Variants in PRKD1 observed in about 807,000 individuals in gnomAD.
PRKD1 encodes the protein serine/threonine-protein kinase D1.
In PRKD1, 63 loss-of-function variants were observed where a neutral mutation model predicts 95.9. The ratio of observed to expected loss-of-function variants is 0.66; its 90% CI spans 0.54 to 0.81. The LOEUF (loss-of-function observed/expected upper bound fraction) is 0.81. Ranked by LOEUF, PRKD1 falls within the 30% of genes least tolerant of loss-of-function variation. The probability of loss-of-function intolerance (pLI) is 0.00; values close to 1 mark genes in which losing one functional copy is unlikely to be tolerated. For missense variants in PRKD1, 1,048 were observed against 1,165.3 expected (o/e 0.90, Z 1.47); for synonymous variants, 425 against 423.1 (o/e 1.00, Z -0.05).
chr14:29,719,290 C>A (rs1293512556), intron 2 of PRKD1, among the ~76,000 whole-genome samples: 3 of 152,004 alleles, frequency 2.0e-5, no homozygotes, highest in Non-Finnish European at 4.4e-5. Context: ...TAGAGAAGAA[C>A]CTTCAGGGTT....
chr14:29,910,356 C>T (rs964543282), intron 1 of PRKD1, among the ~76,000 whole-genome samples: 14 of 152,094 alleles, frequency 9.2e-5, no homozygotes, highest in African/African-American at 3.1e-4. Flanking sequence ...AAACTCTGAA[C>T]ACGTCCGAAC....
At position 29,877,115 on chromosome 14, in the gene PRKD1, G is replaced by A. The variant is rs56346360; in HGVS notation, c.264+50134C>T. The stretch of plus-strand genomic sequence containing the variant: ...TGCAGTGAGCCAAAATCGTGCCACC[G>A]CACTCCAGCCTGGGCCAGAGAGCAA... On this transcript the variant is annotated intron_variant, in intron 1 of 17. Transcript: ENST00000331968. 2.2e-3 allele frequency among the ~76,000 whole-genome samples: 334 copies of A among 152,236 alleles called. 1 individual carries two copies. Among genetic ancestry groups the A allele is most frequent in the Non-Finnish European group, 3.9e-3 (266 of 68,016 alleles).
chr14:29,923,195 A>G (rs1027708114), intron 1 of PRKD1, among the ~76,000 whole-genome samples: 1 of 149,270 alleles, frequency 6.7e-6, no homozygotes, highest in African/African-American at 2.5e-5. Context: ...GTGCTACTGC[A>G]CTCCAGCCTG....
At chr14:29,759,369 T>C (rs931824048) in intron 1 of PRKD1, among the ~76,000 whole-genome samples, 18 of 152,230 alleles carry the variant, frequency 1.2e-4, no homozygotes, top group Admixed American at 8.5e-4. Flanking sequence ...TAGATTCTAA[T>C]TAATTTAAAA....
Position 29,823,911 on chromosome 14 carries a change from G to T in PRKD1, c.265-98237C>A, listed in dbSNP as rs571835730. Reference sequence around the variant, plus strand: ...CAAGATTGTGTGTATTTCCCATTGCGTATTTTGGCTCTCCAAATGTTCAAT... The same window carrying T: ...CAAGATTGTGTGTATTTCCCATTGCTTATTTTGGCTCTCCAAATGTTCAAT... On this transcript the variant is annotated intron_variant, in intron 1 of 17. Coordinates refer to ENST00000331968, the MANE Select transcript of PRKD1 (RefSeq NM_002742.3). 9.5e-4 allele frequency among the ~76,000 whole-genome samples: 145 copies of T among 152,240 alleles called. No homozygotes were observed. In the South Asian group the frequency reaches 9.7e-3, roughly 10 times the overall value.
Position 29,889,366 on chromosome 14 carries a change from T to A in PRKD1, c.264+37883A>T, listed in dbSNP as rs1294984482. Among the ~76,000 whole-genome samples the A allele has an allele frequency of 2.0e-5, 3 of 152,084 alleles. No homozygotes were observed. In the East Asian group the frequency reaches 5.8e-4, roughly 29 times the overall value. On this transcript the variant is annotated intron_variant, in intron 1 of 17. Coordinates refer to ENST00000331968, the MANE Select transcript of PRKD1 (RefSeq NM_002742.3). ...CAACTGAGGTACCTGGTTCATCTCA[T>A]TGGGACTGGTTGGACAGTAGGTGCA...
At chr14:29,678,742 TAACTA>T (rs1005171582) in intron 2 of PRKD1, among the ~76,000 whole-genome samples, 1 of 152,218 alleles carries the variant, frequency 6.6e-6, no homozygotes, top group Non-Finnish European at 1.5e-5. Context: ...TTTCAATACT[TAACTA>T]AATTTAATTG....
At chr14:29,637,422 A>G (rs1409175995) in intron 6 of PRKD1, among the ~76,000 whole-genome samples, 2 of 152,248 alleles carry the variant, frequency 1.3e-5, no homozygotes, top group Non-Finnish European at 2.9e-5. Flanking sequence ...AATACAGATT[A>G]ATGAGAGACT....
At chr14:29,594,760 A>C (rs1471685359) in intron 16 of PRKD1, among the ~76,000 whole-genome samples, 1 of 152,172 alleles carries the variant, frequency 6.6e-6, no homozygotes, top group Non-Finnish European at 1.5e-5. Flanking sequence ...AGATACGATT[A>C]ATAGTTGTGC....
intron 1 of PRKD1, among the ~76,000 whole-genome samples, chr14:29,920,072 G>A (rs752132274): frequency 0.013 from 1,574 of 125,370 alleles, 15 homozygotes; most frequent in South Asian, 0.025. Context: ...AAGGAAAGAA[G>A]GAAGGAAGGA....
At chr14:29,921,810 C>T (rs1213577943) in intron 1 of PRKD1, among the ~76,000 whole-genome samples, 2 of 152,160 alleles carry the variant, frequency 1.3e-5, no homozygotes, top group African/African-American at 4.8e-5. Context: ...ACCACCACCA[C>T]CATACACAGT....
At chr14:29,847,485 T>C (rs1053199888) in intron 1 of PRKD1, among the ~76,000 whole-genome samples, 2 of 152,184 alleles carry the variant, frequency 1.3e-5, no homozygotes, top group East Asian at 1.9e-4. Flanking sequence ...GGAAATCTTC[T>C]AATACACTGT....
At chr14:29,656,901 T>C (rs2139193195) in intron 4 of PRKD1, among the ~76,000 whole-genome samples, 1 of 152,318 alleles carries the variant, frequency 6.6e-6, no homozygotes, top group Admixed American at 6.5e-5. Context: ...CAATAATTCA[T>C]ATTCTCAATG....
intron 1 of PRKD1, among the ~76,000 whole-genome samples, chr14:29,819,355 A>T (rs1373669084): frequency 6.6e-6 from 1 of 152,150 alleles, no homozygotes; most frequent in African/African-American, 2.4e-5. Context: ...TTCAGGAATT[A>T]AAAAAAGTCT....
At chr14:29,814,855 A>G (rs1464426190) in intron 1 of PRKD1, among the ~76,000 whole-genome samples, 2 of 152,206 alleles carry the variant, frequency 1.3e-5, no homozygotes, top group African/African-American at 2.4e-5. Flanking sequence ...AAAATTTTTA[A>G]TGACTAAGCA....
intron 1 of PRKD1, among the ~76,000 whole-genome samples, chr14:29,847,037 A>C (rs2139329438): frequency 6.6e-6 from 1 of 152,300 alleles, no homozygotes; most frequent in East Asian, 1.9e-4. Context: ...TGATTGGCCC[A>C]GTTTGGATCA....
chr14:29,631,658 C>A (rs1200257895), intron 9 of PRKD1, among the ~76,000 whole-genome samples: 1 of 151,930 alleles, frequency 6.6e-6, no homozygotes, highest in African/African-American at 2.4e-5. Flanking sequence ...TGCCACTACA[C>A]CTGGCTAATT....
chr14:29,610,560 A>G (rs1242245234), intron 13 of PRKD1, among the ~76,000 whole-genome samples: 1 of 152,216 alleles, frequency 6.6e-6, no homozygotes, highest in Non-Finnish European at 1.5e-5. Context: ...ACTTTAATTC[A>G]TTGCTGGTGG....
intron 1 of PRKD1, among the ~76,000 whole-genome samples, chr14:29,881,793 T>A (rs1484344005): frequency 6.6e-6 from 1 of 152,142 alleles, no homozygotes; most frequent in East Asian, 1.9e-4. Context: ...CTTATCTAAT[T>A]GAACTGCTCA....
Sources: gnomAD v4.1 joint callset for allele counts (sites outside exome capture counted in the v4.1 genomes callset) on GRCh38, gnomAD v4.1.1 for gene constraint, MANE v1.5 for transcripts, NCBI Gene and HGNC (gene_info 2026-07-23, HGNC 2026-07-21) for gene names.